Variants in SFMBT1 observed in about 807,000 individuals in gnomAD.
SFMBT1 encodes scm-like with four MBT domains protein 1.
A neutral mutation model predicts 108.7 loss-of-function variants in SFMBT1; 32 were observed. The ratio of observed to expected loss-of-function variants is 0.29; its 90% CI spans 0.22 to 0.40. The LOEUF is 0.40. Among genes scored for constraint, SFMBT1 ranks in the 10% least tolerant of loss-of-function variants. The pLI is 1.00. For synonymous variants in SFMBT1, 348 were observed against 369.5 expected, an observed-to-expected ratio of 0.94 and a Z score of 0.67; for missense variants, 816 against 1,059.6, an observed-to-expected ratio of 0.77 and a Z score of 3.19.
intron 20 of SFMBT1, 74 bp from the exon 21 acceptor site, chr3:52,905,350 A>G (rs1702040346): frequency 1.4e-6 from 2 of 1,472,728 alleles, no homozygotes; most frequent in South Asian, 1.3e-5. Flanking sequence ...GCCTCTCCTC[A>G]CTTTAGCTCT....
chr3:53,041,172 G>T (rs1009566245), intron 1 of SFMBT1, among the ~76,000 whole-genome samples: 7 of 151,606 alleles, frequency 4.6e-5, no homozygotes, highest in African/African-American at 1.5e-4. Flanking sequence ...GAAGACAAAA[G>T]AGAACTAAAT....
intron 1 of SFMBT1, among the ~76,000 whole-genome samples, chr3:52,980,000 T>C (rs1009613305): frequency 1.3e-5 from 2 of 152,112 alleles, no homozygotes; most frequent in African/African-American, 2.4e-5. Flanking sequence ...TTGAAAAAAC[T>C]TGCAGACAAA....
At chr3:52,936,118 G>C (rs1703001079) in intron 4 of SFMBT1, among the ~76,000 whole-genome samples, 1 of 152,176 alleles carries the variant, frequency 6.6e-6, no homozygotes, top group African/African-American at 2.4e-5. Context: ...TGGTCTGGCT[G>C]TCTCTCCCTT....
At chr3:53,032,758 C>T (rs1379498689) in intron 1 of SFMBT1, among the ~76,000 whole-genome samples, 1 of 152,174 alleles carries the variant, frequency 6.6e-6, no homozygotes, top group African/African-American at 2.4e-5. Context: ...CTTGAGTTCA[C>T]AGTTTAGTAG....
At chr3:52,984,480 C>T (rs1404141718) in intron 1 of SFMBT1, among the ~76,000 whole-genome samples, 1 of 151,868 alleles carries the variant, frequency 6.6e-6, no homozygotes, top group Non-Finnish European at 1.5e-5. Context: ...TACCAATCAG[C>T]CTTGAAGGCA....
At chr3:52,999,897 C>T (rs775207286) in intron 1 of SFMBT1, among the ~76,000 whole-genome samples, 7 of 150,020 alleles carry the variant, frequency 4.7e-5, no homozygotes, top group Non-Finnish European at 7.5e-5. Context: ...ATCGCTCTGT[C>T]GCCCAGGCTG....
At chr3:52,921,341 C>T (rs1300540570) in intron 11 of SFMBT1, among the ~76,000 whole-genome samples, 1 of 152,114 alleles carries the variant, frequency 6.6e-6, no homozygotes, top group Non-Finnish European at 1.5e-5. Flanking sequence ...ACTCTATATA[C>T]TTTTTGGTTC....
chr3:53,045,715 C>T (rs1344508049), intron 1 of SFMBT1, 101 bp downstream of exon 1: 1 of 145,522 alleles, frequency 6.9e-6, no homozygotes, highest in African/African-American at 2.5e-5. Flanking sequence ...AGTTGCGCGG[C>T]CGCTTCGAAG....
intron 3 of SFMBT1, among the ~76,000 whole-genome samples, chr3:52,948,603 A>AGTAATGAT (rs1559522390): frequency 6.6e-6 from 1 of 151,346 alleles, no homozygotes; most frequent in Non-Finnish European, 1.5e-5. Context: ...ATTTTACATC[A>AGTAATGAT]GTAATGAATT....
chr3:53,035,516 CA>C, intron 1 of SFMBT1, among the ~76,000 whole-genome samples: 1 of 152,228 alleles, frequency 6.6e-6, no homozygotes, highest in East Asian at 1.9e-4. Context: ...ATGAACAAAA[CA>C]AAAACAGTAA....
At chr3:52,906,031 C>G (rs1702055777) in intron 20 of SFMBT1, 82 bp downstream of exon 20, 3 of 1,481,160 alleles carry the variant, frequency 2.0e-6, no homozygotes, top group Admixed American at 1.9e-5. Flanking sequence ...TTTCCTAAAA[C>G]TTGTAAATAA....
chr3:52,928,270 A>G lies in SFMBT1; in HGVS notation c.969T>C (p.Phe323=), dbSNP rs1421027180. 3 of 1,614,156 alleles carry G rather than the reference A, an allele frequency of 1.9e-6. No individual in the cohort carries two copies. The South Asian group carries it at 3.3e-5, about 18-fold the overall frequency. The change falls in exon 9 of 21, where the codon TTT becomes TTC. Residue 323 remains phenylalanine, a synonymous_variant. Coordinates refer to ENST00000394752, the MANE Select transcript of SFMBT1 (RefSeq NM_016329.4). ...TGCCAGGACTGTCGGCGTGGCACAC[A>G]AAGGATCGCCGTGCGTGGTTCTCAG... ...LRPENHARRS[F]VCHADSPGIF... is the part of the protein sequence containing the mutation.
chr3:53,032,199 A>C (rs1000380864), intron 1 of SFMBT1, among the ~76,000 whole-genome samples: 2 of 152,098 alleles, frequency 1.3e-5, no homozygotes, highest in Non-Finnish European at 2.9e-5. Context: ...GCAAAACCCT[A>C]TCTCTACTAA....
At chr3:53,022,412 T>G (rs931471348) in intron 1 of SFMBT1, among the ~76,000 whole-genome samples, 5 of 136,214 alleles carry the variant, frequency 3.7e-5, no homozygotes, top group African/African-American at 5.6e-5. Context: ...ATCACACCAC[T>G]GCACTCCAGC....
chr3:52,936,682 A>C (rs1294793979), intron 4 of SFMBT1, among the ~76,000 whole-genome samples: 1 of 152,132 alleles, frequency 6.6e-6, no homozygotes, highest in Non-Finnish European at 1.5e-5. Context: ...ATTTCCATGG[A>C]AATGGTATTT....
At chr3:52,945,136 TAAAAAAAA>T (rs367727549) in intron 3 of SFMBT1, among the ~76,000 whole-genome samples, 1 of 48,512 alleles carries the variant, frequency 2.1e-5, no homozygotes, top group African/African-American at 6.6e-5. Context: ...ACCTTCCAAT[TAAAAAAAA>T]AAAAAAACAA....
intron 2 of SFMBT1, among the ~76,000 whole-genome samples, chr3:52,965,970 C>T (rs1389220383): frequency 1.6e-5 from 2 of 124,256 alleles, no homozygotes; most frequent in African/African-American, 6.4e-5. Flanking sequence ...CCCGCCACTG[C>T]ACTCCAGCCT....
At chr3:52,952,115 T>A (rs1209284319) in intron 3 of SFMBT1, among the ~76,000 whole-genome samples, 4 of 152,068 alleles carry the variant, frequency 2.6e-5, no homozygotes, top group Non-Finnish European at 5.9e-5. Context: ...TCCCAGCACT[T>A]TGGGAGGCTG....
At chr3:52,928,108 A>G (rs1702714090) in intron 9 of SFMBT1, 83 bp downstream of exon 9, 1 of 1,537,310 alleles carries the variant, frequency 6.5e-7, no homozygotes, top group Non-Finnish European at 8.8e-7. Context: ...GAGAGGGACA[A>G]AAGATTTCAG....
Sources: allele counts gnomAD v4.1 joint callset (sites outside exome capture counted in the v4.1 genomes callset), GRCh38; gene constraint gnomAD v4.1.1; transcripts MANE v1.5; gene names NCBI Gene and HGNC (gene_info 2026-07-23, HGNC 2026-07-21).